The following GARIN1A variants were observed in gnomAD, a reference collection of about 807,000 sequenced individuals.
The protein encoded by GARIN1A is golgi associated RAB2 interactor 1A, also known as Golgi-associated RAB2 interactor protein 1A.
the GARIN1A span, among the ~76,000 whole-genome samples, chr7:128,689,467 C>T: frequency 2.0e-5 from 3 of 151,434 alleles, no homozygotes; most frequent in African/African-American, 4.8e-5. Flanking sequence ...AGGTGAGGAG[C>T]GTCTCTGCCT....
At chr7:128,704,001 T>A in the GARIN1A span, among the ~76,000 whole-genome samples, 1 of 152,102 alleles carries the variant, frequency 6.6e-6, no homozygotes, top group Non-Finnish European at 1.5e-5. Context: ...ATCAACTGAA[T>A]GTCAGGGGAA....
At chr7:128,687,862 G>T in the GARIN1A span, 1 of 152,264 alleles carries the variant, frequency 6.6e-6, no homozygotes, top group Non-Finnish European at 1.5e-5. Context: ...AAACTATTCT[G>T]TTTTGGTTCA....
chr7:128,678,022 T>C, the GARIN1A span: 4,125 of 296,016 alleles, frequency 0.014, 27 homozygotes, highest in East Asian at 0.027. Flanking sequence ...TTTCTTTTTT[T>C]TTTTTTTTTT....
the GARIN1A span, among the ~76,000 whole-genome samples, chr7:128,694,434 G>A: frequency 5.9e-5 from 9 of 152,076 alleles, no homozygotes; most frequent in South Asian, 2.1e-4. Flanking sequence ...TCGGGAGGCT[G>A]AGGCAGGGAC....
the GARIN1A span, chr7:128,687,796 G>C: frequency 6.6e-6 from 1 of 152,168 alleles, no homozygotes; most frequent in African/African-American, 2.4e-5. Context: ...GTATTGCTGG[G>C]GGACAGAGCA....
chr7:128,689,681 C>T, the GARIN1A span, among the ~76,000 whole-genome samples: 129 of 150,966 alleles, frequency 8.5e-4, 5 homozygotes, highest in Non-Finnish European at 1.3e-3. Flanking sequence ...GCCCGACAGC[C>T]GCCCCGTCTG....
chr7:128,707,107 G>A, the GARIN1A span, among the ~76,000 whole-genome samples: 3 of 151,884 alleles, frequency 2.0e-5, no homozygotes, highest in African/African-American at 7.3e-5. Flanking sequence ...CTTGATGAAT[G>A]TGGGTTAGGT....
At chr7:128,690,498 TAG>T in the GARIN1A span, 2 of 152,114 alleles carry the variant, frequency 1.3e-5, no homozygotes, top group Non-Finnish European at 2.9e-5. Context: ...CTCCTAATGG[TAG>T]GAGGAGACAA....
chr7:128,671,833 C>T, the GARIN1A span, among the ~76,000 whole-genome samples: 1 of 149,734 alleles, frequency 6.7e-6, no homozygotes, highest in African/African-American at 2.5e-5. Context: ...AACAGGTGTC[C>T]ATTTCTTTAA....
chr7:128,689,710 C>T, the GARIN1A span, among the ~76,000 whole-genome samples: 2,510 of 149,846 alleles, frequency 0.017, 178 homozygotes, highest in South Asian at 0.043. Context: ...GGAGCGTCCC[C>T]GCCCGGCAGC....
the GARIN1A span, among the ~76,000 whole-genome samples, chr7:128,677,220 G>A: frequency 1.3e-5 from 2 of 151,776 alleles, no homozygotes; most frequent in African/African-American, 2.4e-5. Flanking sequence ...TTGAAACCAC[G>A]GGCTCAGCCG....
the GARIN1A span, chr7:128,677,590 T>C: frequency 6.2e-7 from 1 of 1,609,520 alleles, no homozygotes; most frequent in East Asian, 2.2e-5. Context: ...TACGTGGAGC[T>C]ACGAATCTAC....
At chr7:128,702,569 G>A in the GARIN1A span, among the ~76,000 whole-genome samples, 1 of 151,996 alleles carries the variant, frequency 6.6e-6, no homozygotes, top group African/African-American at 2.4e-5. Context: ...TAATAGAGAT[G>A]ATAAAATTGA....
chr7:128,694,958 C>G, the GARIN1A span, among the ~76,000 whole-genome samples: 1 of 152,166 alleles, frequency 6.6e-6, no homozygotes, highest in East Asian at 1.9e-4. Flanking sequence ...TTCCGTTGGT[C>G]TTTGTGTACT....
the GARIN1A span, chr7:128,683,320 A>G: frequency 1.8e-6 from 1 of 569,970 alleles, no homozygotes; most frequent in Non-Finnish European, 3.0e-6. Flanking sequence ...GTGAGTCCCT[A>G]ATTTTTGCAG....
At chr7:128,683,965 C>T in the GARIN1A span, 1 of 152,188 alleles carries the variant, frequency 6.6e-6, no homozygotes, top group African/African-American at 2.4e-5. Flanking sequence ...ACAACCAAAT[C>T]TCGTGAGAAC....
the GARIN1A span, among the ~76,000 whole-genome samples, chr7:128,688,371 G>T: frequency 1.3e-5 from 2 of 152,204 alleles, no homozygotes; most frequent in East Asian, 3.9e-4. Flanking sequence ...AAATATAAAC[G>T]CCACAAGCAT....
At chr7:128,679,056 A>G in the GARIN1A span, among the ~76,000 whole-genome samples, 4 of 151,074 alleles carry the variant, frequency 2.6e-5, no homozygotes, top group African/African-American at 9.7e-5. Flanking sequence ...TTACATTGTT[A>G]TGTATTTGTA....
At chr7:128,696,719 A>G in the GARIN1A span, among the ~76,000 whole-genome samples, 10 of 152,196 alleles carry the variant, frequency 6.6e-5, no homozygotes, top group Non-Finnish European at 1.3e-4. Context: ...GAACTCCACC[A>G]CAGAAGGTGT....
Sources: gnomAD v4.1 joint callset for allele counts (sites outside exome capture counted in the v4.1 genomes callset) on GRCh38, gnomAD v4.1.1 for gene constraint, MANE v1.5 for transcripts, NCBI Gene and HGNC (gene_info 2026-07-23, HGNC 2026-07-21) for gene names.